The following CIB4 variants were observed in gnomAD, a reference collection of about 807,000 sequenced individuals.
The protein encoded by CIB4 is calcium and integrin binding family member 4.
CIB4 carries 25 observed loss-of-function variants against 25.8 expected under a neutral mutation model. That is an observed-to-expected ratio of 0.97 (90% confidence interval 0.71 to 1.35). The LOEUF is 1.35. Among genes scored for constraint, CIB4 ranks in the 40% most tolerant of loss-of-function variants. The probability of loss-of-function intolerance (pLI) is 0.00; values close to 1 mark genes in which losing one functional copy is unlikely to be tolerated. For missense variants in CIB4, 235 were observed against 228.2 expected, an observed-to-expected ratio of 1.03 and a Z score of -0.19; for synonymous variants, 75 against 81.4, an observed-to-expected ratio of 0.92 and a Z score of 0.42.
chr2:26,610,682 A>G lies in CIB4; in HGVS notation c.187-15365T>C, dbSNP rs559479658. Among the ~76,000 whole-genome samples the G allele has an allele frequency of 9.2e-5, 14 of 152,348 alleles. No individual in the cohort carries two copies. The South Asian group carries it at 2.9e-3, about 32-fold the overall frequency. ...GTCCAAGAAGGGCAGAAAGGAAGGC[A>G]GGAAACTGGTGCTTGTTAAATATTT... On this transcript the variant is annotated intron_variant, in intron 3 of 6. Coordinates refer to ENST00000288861, the MANE Select transcript of CIB4 (RefSeq NM_001029881.3).
At chr2:26,596,378 A>G (rs904114177) in intron 3 of CIB4, among the ~76,000 whole-genome samples, 2 of 152,234 alleles carry the variant, frequency 1.3e-5, no homozygotes, top group African/African-American at 4.8e-5. Context: ...GCAGTCAGGA[A>G]GGTAAGCCCA....
intron 4 of CIB4, among the ~76,000 whole-genome samples, chr2:26,592,686 T>C (rs187692822): frequency 1.3e-5 from 2 of 152,336 alleles, no homozygotes; most frequent in African/African-American, 4.8e-5. Flanking sequence ...GTTATTTCTA[T>C]TGTTCTGTCT....
Position 26,629,418 on chromosome 2 carries a change from C to T in CIB4, c.178G>A (p.Ala60Thr). The T allele has an allele frequency of 4.4e-6, 7 of 1,575,710 alleles. No homozygotes were observed. The African/African-American group carries it at 8.0e-5, about 18-fold the overall frequency. Residue 60 changes from alanine to threonine, a missense_variant, in exon 3 of 7, where the codon GCT (alanine) becomes ACT (threonine). Coordinates refer to ENST00000288861, the MANE Select transcript of CIB4 (RefSeq NM_001029881.3). ...CACCATCCTGGACTCACCCGCAGAG[C>T]TGGCAGGGAGCTGACCTGGTCCATG... ...LTMDQVSSLPALRVNPFRDRI... is the reference protein window; with the variant it reads ...LTMDQVSSLPTLRVNPFRDRI...
chr2:26,639,350 C>T (rs1322753222), intron 2 of CIB4, among the ~76,000 whole-genome samples: 1 of 151,734 alleles, frequency 6.6e-6, no homozygotes, highest in Non-Finnish European at 1.5e-5. Flanking sequence ...TCCCCTAGAC[C>T]CCCACCCCCC....
chr2:26,617,119 A>AGTGTGTGTGTGTGTGT (rs1244289106), intron 3 of CIB4, among the ~76,000 whole-genome samples: 2 of 36,292 alleles, frequency 5.5e-5, no homozygotes, highest in African/African-American at 9.3e-5. Flanking sequence ...AAGAGCATGG[A>AGTGTGTGTGTGTGTGT]ATGTGTGTGT....
At chr2:26,598,232 G>A (rs922588085) in intron 3 of CIB4, among the ~76,000 whole-genome samples, 7 of 151,840 alleles carry the variant, frequency 4.6e-5, no homozygotes, top group East Asian at 1.9e-4. Context: ...CCCAGGAGGC[G>A]GAGGTTGCAG....
chr2:26,599,608 C>G (rs974021415), intron 3 of CIB4, among the ~76,000 whole-genome samples: 1 of 152,126 alleles, frequency 6.6e-6, no homozygotes, highest in South Asian at 2.1e-4. Flanking sequence ...CTTGGACTTT[C>G]AAGAGCTCAT....
intron 2 of CIB4, among the ~76,000 whole-genome samples, chr2:26,632,259 A>G (rs1234425340): frequency 1.3e-5 from 2 of 152,184 alleles, no homozygotes; most frequent in Non-Finnish European, 2.9e-5. Flanking sequence ...GGAGAGCACC[A>G]TGACTGCCGC....
intron 2 of CIB4, among the ~76,000 whole-genome samples, chr2:26,639,771 G>A (rs936922378): frequency 2.0e-5 from 3 of 152,072 alleles, no homozygotes; most frequent in Non-Finnish European, 4.4e-5. Flanking sequence ...TGGCTTCCGT[G>A]TGGTGACTGG....
chr2:26,629,715 G>A (rs1669379818), intron 2 of CIB4, among the ~76,000 whole-genome samples: 1 of 152,190 alleles, frequency 6.6e-6, no homozygotes, highest in African/African-American at 2.4e-5. Flanking sequence ...AACATCCCTG[G>A]ACCCTCCAGT....
intron 2 of CIB4, among the ~76,000 whole-genome samples, chr2:26,639,214 T>C (rs1669590056): frequency 6.6e-6 from 1 of 151,912 alleles, no homozygotes; most frequent in Non-Finnish European, 1.5e-5. Context: ...TTTTAAATTA[T>C]ATTTTAAGTT....
At chr2:26,638,913 C>A (rs1447546415) in intron 2 of CIB4, among the ~76,000 whole-genome samples, 5 of 151,566 alleles carry the variant, frequency 3.3e-5, no homozygotes, top group Non-Finnish European at 5.9e-5. Flanking sequence ...GATTGCACCA[C>A]TGCACTCTAG....
intron 3 of CIB4, among the ~76,000 whole-genome samples, chr2:26,598,852 G>A (rs1668731620): frequency 6.6e-6 from 1 of 152,134 alleles, no homozygotes; most frequent in Non-Finnish European, 1.5e-5. Context: ...GCAGCCTCAT[G>A]CCCCTCCCTG....
At chr2:26,596,604 G>A (rs148384276) in intron 3 of CIB4, among the ~76,000 whole-genome samples, 2,880 of 152,062 alleles carry the variant, frequency 0.019, 95 homozygotes, top group African/African-American at 0.066. Flanking sequence ...AAAATTAGCC[G>A]GGCGTGGTCG....
At chr2:26,621,156 G>A (rs764174537) in intron 3 of CIB4, among the ~76,000 whole-genome samples, 6 of 151,118 alleles carry the variant, frequency 4.0e-5, no homozygotes, top group African/African-American at 9.8e-5. Flanking sequence ...TGGGTCCTCC[G>A]CGTGCCTCAC....
At chr2:26,640,968 C>G (rs539487157) in intron 1 of CIB4, among the ~76,000 whole-genome samples, 6 of 152,222 alleles carry the variant, frequency 3.9e-5, no homozygotes, top group Non-Finnish European at 8.8e-5. Context: ...CAACCCACGG[C>G]CTGCAGGCCA....
At chr2:26,599,463 AT>A (rs1215892344) in intron 3 of CIB4, among the ~76,000 whole-genome samples, 1 of 152,186 alleles carries the variant, frequency 6.6e-6, no homozygotes, top group Non-Finnish European at 1.5e-5. Context: ...CAGAGGAAAA[AT>A]ATTTGGACCT....
At position 26,608,099 on chromosome 2, in the gene CIB4, T is replaced by C. The variant is rs187041184; in HGVS notation, c.187-12782A>G. ...CTAAAAATACAAAACTTAGCTGAGC[T>C]TGGTGGCGCATGCCTGTAATCTCAG... On this transcript the variant is annotated intron_variant, in intron 3 of 6. Coordinates refer to ENST00000288861, the MANE Select transcript of CIB4 (RefSeq NM_001029881.3). Among the ~76,000 whole-genome samples the C allele has an allele frequency of 3.0e-3, 460 of 152,216 alleles. 1 individual carries two copies. Among genetic ancestry groups the C allele is most frequent in the Non-Finnish European group, 4.9e-3 (333 of 68,010 alleles).
intron 4 of CIB4, among the ~76,000 whole-genome samples, chr2:26,590,258 TAAAAAAAAAA>T (rs869097756): frequency 4.9e-5 from 3 of 61,824 alleles, no homozygotes; most frequent in South Asian, 9.2e-4. Context: ...CAAGCATCTG[TAAAAAAAAAA>T]AAAAAAAAAA....
Sources: allele counts gnomAD v4.1 joint callset (sites outside exome capture counted in the v4.1 genomes callset), GRCh38; gene constraint gnomAD v4.1.1; transcripts MANE v1.5; gene names NCBI Gene and HGNC (gene_info 2026-07-23, HGNC 2026-07-21).